The following SORCS3 variants were observed in gnomAD, a reference collection of about 807,000 sequenced individuals.
SORCS3 encodes the protein sortilin related VPS10 domain containing receptor 3, also known as VPS10 domain-containing receptor SorCS3.
In SORCS3, 57 loss-of-function variants were observed where a neutral mutation model predicts 146.3. The observed-to-expected ratio is 0.39, with a 90% CI of 0.31 to 0.49. The LOEUF (loss-of-function observed/expected upper bound fraction) is 0.49, where lower values mean the gene tolerates loss of function less well. Among genes scored for constraint, SORCS3 ranks in the 20% least tolerant of loss-of-function variants. The pLI is 0.92. For synonymous variants in SORCS3, 653 were observed against 618.5 expected, an observed-to-expected ratio of 1.06 and a Z score of -0.83; for missense variants, 1,341 against 1,575.5, an observed-to-expected ratio of 0.85 and a Z score of 2.52.
chr10:105,188,033 AAG>A (rs2056490441), intron 14 of SORCS3, among the ~76,000 whole-genome samples: 1 of 152,002 alleles, frequency 6.6e-6, no homozygotes, highest in East Asian at 1.9e-4. Flanking sequence ...AACTGAGTAA[AAG>A]AGAGAAAAAA....
intron 7 of SORCS3, among the ~76,000 whole-genome samples, chr10:105,118,094 TC>T (rs753339534): frequency 1.3e-5 from 2 of 152,164 alleles, no homozygotes; most frequent in African/African-American, 4.8e-5. Context: ...TTTGGCTGTG[TC>T]CCCAGCCAAA....
At chr10:105,250,285 G>T (rs1260689052) in intron 22 of SORCS3, among the ~76,000 whole-genome samples, 1 of 152,078 alleles carries the variant, frequency 6.6e-6, no homozygotes, top group Non-Finnish European at 1.5e-5. Flanking sequence ...GGGGTGGGGG[G>T]TGCAAAAACA....
At chr10:104,779,738 A>G (rs4917428) in intron 1 of SORCS3, among the ~76,000 whole-genome samples, 41,984 of 151,810 alleles carry the variant, frequency 0.28, 6,270 homozygotes, top group African/African-American at 0.38. Context: ...GCTGATCAAC[A>G]TATTCCCAGA....
intron 1 of SORCS3, among the ~76,000 whole-genome samples, chr10:104,807,131 C>CTTTTTTTTTTTTTTTTT (rs1292315654): frequency 1.3e-5 from 2 of 151,252 alleles, no homozygotes; most frequent in Non-Finnish European, 1.5e-5. Context: ...TGGACTGTTG[C>CTTTTTTTTTTTTTTTTT]TTTTAAGAAA....
chr10:105,164,279 T>C (rs370690502), intron 11 of SORCS3, 24 bp from the exon 12 acceptor site: 2 of 1,594,330 alleles, frequency 1.3e-6, no homozygotes, highest in African/African-American at 2.7e-5. Context: ...CCTGACAATC[T>C]CAAATGATCT....
intron 9 of SORCS3, among the ~76,000 whole-genome samples, chr10:105,148,532 C>A (rs2056147955): frequency 6.6e-6 from 1 of 152,136 alleles, no homozygotes; most frequent in Non-Finnish European, 1.5e-5. Flanking sequence ...AGGAACTTGA[C>A]TGACCACCTG....
At chr10:105,077,547 C>A (rs2055596561) in intron 5 of SORCS3, among the ~76,000 whole-genome samples, 1 of 116,792 alleles carries the variant, frequency 8.6e-6, no homozygotes, top group African/African-American at 3.0e-5. Context: ...CACACACACA[C>A]ACACACACAC....
chr10:104,878,599 A>G (rs1203842892), intron 2 of SORCS3, among the ~76,000 whole-genome samples: 2 of 152,210 alleles, frequency 1.3e-5, no homozygotes, highest in East Asian at 1.9e-4. Context: ...GAATCTCCCA[A>G]TTAGAATAAG....
At chr10:105,030,532 G>C (rs1589601402) in intron 4 of SORCS3, among the ~76,000 whole-genome samples, 1 of 151,868 alleles carries the variant, frequency 6.6e-6, no homozygotes, top group Non-Finnish European at 1.5e-5. Context: ...AAGGAACAAG[G>C]ACAATCTAGA....
intron 1 of SORCS3, among the ~76,000 whole-genome samples, chr10:104,766,248 A>G (rs2017178450): frequency 6.6e-6 from 1 of 152,310 alleles, no homozygotes; most frequent in South Asian, 2.1e-4. Context: ...CTGCTGTGGT[A>G]TTCATGAGCA....
intron 1 of SORCS3, among the ~76,000 whole-genome samples, chr10:104,663,667 C>T (rs1012262427): frequency 2.0e-5 from 3 of 152,166 alleles, no homozygotes; most frequent in Non-Finnish European, 2.9e-5. Flanking sequence ...ACGGCAATGA[C>T]TTCAGAAATG....
chr10:104,800,773 A>G (rs1189687921), intron 1 of SORCS3, among the ~76,000 whole-genome samples: 2 of 152,210 alleles, frequency 1.3e-5, no homozygotes, highest in Non-Finnish European at 2.9e-5. Flanking sequence ...ATCTGAAACA[A>G]TAGCTCCCCA....
chr10:104,978,794 AAT>A (rs970518026), intron 4 of SORCS3, among the ~76,000 whole-genome samples: 1 of 152,168 alleles, frequency 6.6e-6, no homozygotes, highest in Admixed American at 6.6e-5. Context: ...TCCCAAATAT[AAT>A]GATTGTGTGC....
At chr10:105,046,498 C>G (rs1321386532) in intron 5 of SORCS3, among the ~76,000 whole-genome samples, 1 of 152,014 alleles carries the variant, frequency 6.6e-6, no homozygotes, top group Non-Finnish European at 1.5e-5. Context: ...AAGAACGAAC[C>G]CCGTGCATGT....
chr10:105,205,189 G>A (rs1251486068), intron 16 of SORCS3, among the ~76,000 whole-genome samples: 1 of 152,160 alleles, frequency 6.6e-6, no homozygotes, highest in Admixed American at 6.5e-5. Flanking sequence ...GGAGGGAAGA[G>A]TAAAGACTGG....
intron 20 of SORCS3, among the ~76,000 whole-genome samples, chr10:105,229,221 T>C (rs1164014367): frequency 6.6e-6 from 1 of 152,134 alleles, no homozygotes; most frequent in Non-Finnish European, 1.5e-5. Flanking sequence ...AGTGTCTCTT[T>C]GGTAAATTTC....
intron 1 of SORCS3, among the ~76,000 whole-genome samples, chr10:104,824,867 G>A (rs1424314291): frequency 1.3e-5 from 2 of 152,168 alleles, no homozygotes; most frequent in Non-Finnish European, 2.9e-5. Flanking sequence ...AGAAGCTCCA[G>A]AAGAAAGGGA....
At chr10:104,970,185 C>T (rs1208406843) in intron 3 of SORCS3, among the ~76,000 whole-genome samples, 1 of 152,060 alleles carries the variant, frequency 6.6e-6, no homozygotes, top group Non-Finnish European at 1.5e-5. Flanking sequence ...CTCTGCCTGC[C>T]ACCCAGGCTG....
intron 5 of SORCS3, among the ~76,000 whole-genome samples, chr10:105,080,931 T>C (rs550557850): frequency 6.6e-6 from 1 of 152,184 alleles, no homozygotes; most frequent in African/African-American, 2.4e-5. Flanking sequence ...GTTCAACAAA[T>C]GGTGTATTGT....
Sources: gnomAD v4.1 joint callset for allele counts (sites outside exome capture counted in the v4.1 genomes callset) on GRCh38, gnomAD v4.1.1 for gene constraint, MANE v1.5 for transcripts, NCBI Gene and HGNC (gene_info 2026-07-23, HGNC 2026-07-21) for gene names.